FBXL13: variants seen among roughly 807,000 people sequenced by gnomAD.
FBXL13 encodes F-box and leucine rich repeat protein 13, also known as F-box and leucine-rich repeat protein 13.
Under a neutral mutation model 83.6 loss-of-function variants are expected in FBXL13, and 67 were observed. The observed-to-expected ratio is 0.80, with a 90% CI of 0.66 to 0.98. FBXL13 has a LOEUF of 0.98. Among genes scored for constraint, FBXL13 ranks in the 50% least tolerant of loss-of-function variants. The pLI is 0.00. For synonymous variants in FBXL13, 272 were observed against 299.5 expected, an observed-to-expected ratio of 0.91 and a Z score of 0.95; for missense variants, 822 against 866.5, an observed-to-expected ratio of 0.95 and a Z score of 0.64.
At chr7:102,965,909 G>A (rs1419854394) in intron 7 of FBXL13, among the ~76,000 whole-genome samples, 1 of 152,154 alleles carries the variant, frequency 6.6e-6, no homozygotes, top group African/African-American at 2.4e-5. Flanking sequence ...GCTAATGATT[G>A]AAGGACTGAT....
chr7:102,897,996 A>T (rs1472779293), intron 11 of FBXL13, among the ~76,000 whole-genome samples: 1 of 152,148 alleles, frequency 6.6e-6, no homozygotes, highest in African/African-American at 2.4e-5. Flanking sequence ...CATGGGTAAA[A>T]ATAGGGAGTA....
intron 8 of FBXL13, 144 bp downstream of exon 9, chr7:102,963,389 T>C: frequency 1.1e-6 from 1 of 950,726 alleles, no homozygotes. Context: ...TGCACTATAT[T>C]ATACACTTAT....
At chr7:102,838,244 A>C (rs142041954) in intron 17 of FBXL13, among the ~76,000 whole-genome samples, 1 of 152,206 alleles carries the variant, frequency 6.6e-6, no homozygotes, top group South Asian at 2.1e-4. Flanking sequence ...TGGTGTGGGA[A>C]TAACACAGGA....
chr7:102,883,372 C>G (rs1563039851), exon 14 of FBXL13: 1 of 1,613,676 alleles, frequency 6.2e-7, no homozygotes, highest in Non-Finnish European at 8.5e-7. Context: ...AGGCTGCTGT[C>G]TGTTATTCCC....
At chr7:102,959,821 G>A (rs904296351) in intron 8 of FBXL13, among the ~76,000 whole-genome samples, 1 of 151,968 alleles carries the variant, frequency 6.6e-6, no homozygotes, top group African/African-American at 2.4e-5. Context: ...TCAAATAGAA[G>A]AAGGTTAAAT....
At chr7:102,847,187 G>C (rs1804147770) in intron 17 of FBXL13, among the ~76,000 whole-genome samples, 1 of 151,052 alleles carries the variant, frequency 6.6e-6, no homozygotes, top group Non-Finnish European at 1.5e-5. Flanking sequence ...GAAACTACCT[G>C]ACCCTTCAAA....
rs777668635 is a variant in FBXL13 at position 103,055,233 on chromosome 7, C to T, written c.-1+411G>A. 4.5e-4 allele frequency: 423 copies of T among 940,004 alleles called. 5 individuals are homozygous for T. Among genetic ancestry groups the T allele is most frequent in the Middle Eastern group, 1.3e-3 (4 of 3,070 alleles). The allele number at this position is 940,004 out of a possible 1,614,324, so 58.2% of individuals were successfully genotyped here. On this transcript the variant is annotated intron_variant, in intron 2 of 19. Coordinates refer to ENST00000313221, the Ensembl canonical transcript of FBXL13. ...ATTAATTTCATTAATTAGTTAGTTC[C>T]GTAATTAAATCAGTGATTCTTGTAG...
At chr7:102,982,650 G>C (rs1828392946) in intron 6 of FBXL13, among the ~76,000 whole-genome samples, 1 of 152,158 alleles carries the variant, frequency 6.6e-6, no homozygotes, top group Non-Finnish European at 1.5e-5. Flanking sequence ...TTTATAAATG[G>C]AAGTTCCTCT....
chr7:102,843,705 G>A (rs770380419), intron 17 of FBXL13, among the ~76,000 whole-genome samples: 166 of 152,264 alleles, frequency 1.1e-3, no homozygotes, highest in Middle Eastern at 3.4e-3. Flanking sequence ...GAACCCAGGC[G>A]GCGGAGGTTG....
chr7:102,990,362 A>C (rs1342929894), intron 6 of FBXL13, among the ~76,000 whole-genome samples: 3 of 152,238 alleles, frequency 2.0e-5, no homozygotes, highest in Non-Finnish European at 4.4e-5. Context: ...CTACTGAAAA[A>C]GCAAGACAAG....
chr7:102,980,406 T>C (rs1828045954), intron 6 of FBXL13, among the ~76,000 whole-genome samples: 1 of 152,134 alleles, frequency 6.6e-6, no homozygotes, highest in South Asian at 2.1e-4. Flanking sequence ...TATCCAAATG[T>C]AAAAGAATGA....
chr7:103,037,975 C>T (rs13221585), intron 2 of FBXL13, among the ~76,000 whole-genome samples: 77,182 of 151,844 alleles, frequency 0.51, 23,234 homozygotes, highest in Non-Finnish European at 0.66. Flanking sequence ...CCACAGAGGG[C>T]GAGCTGAAGC....
chr7:102,821,193 C>A (rs566465328), intron 19 of FBXL13, among the ~76,000 whole-genome samples: 34 of 152,254 alleles, frequency 2.2e-4, no homozygotes, highest in East Asian at 1.2e-3. Context: ...TAGCAGTATT[C>A]ATATCAGAGT....
chr7:103,017,896 C>A (rs1235581212), intron 6 of FBXL13, among the ~76,000 whole-genome samples: 1 of 152,170 alleles, frequency 6.6e-6, no homozygotes, highest in Non-Finnish European at 1.5e-5. Context: ...TTGGAAAACA[C>A]TCTTTGGGAT....
intron 17 of FBXL13, among the ~76,000 whole-genome samples, chr7:102,845,877 T>G (rs1432599821): frequency 3.9e-5 from 6 of 152,142 alleles, no homozygotes; most frequent in Non-Finnish European, 5.9e-5. Context: ...CTCGCCTGAA[T>G]CCTCCCATAG....
At chr7:102,992,230 C>T (rs747593001) in intron 6 of FBXL13, among the ~76,000 whole-genome samples, 16 of 152,158 alleles carry the variant, frequency 1.1e-4, no homozygotes, top group Non-Finnish European at 2.2e-4. Context: ...TCCCTCACTG[C>T]CTACTGGTTA....
At chr7:102,830,112 G>GT (rs1424178008) in intron 18 of FBXL13, among the ~76,000 whole-genome samples, 2 of 152,124 alleles carry the variant, frequency 1.3e-5, no homozygotes, top group East Asian at 3.9e-4. Flanking sequence ...TTGCATATTT[G>GT]TTTAACATCC....
In FBXL13 at chr7:102,988,440, C is replaced by CA. The variant is rs529695201; in HGVS notation, c.496-20324dup. 187 of 151,532 alleles carry CA rather than the reference C, an allele frequency of 1.2e-3. 1 individual carries two copies. Among genetic ancestry groups the CA allele is most frequent in the African/African-American group, 4.4e-3 (181 of 41,272 alleles). The allele number at this position is 151,532 out of a possible 1,614,324, so 9.4% of individuals were successfully genotyped here. ...TTGTATAGCAGATGCAGAGCAGCAG[C>CA]AAAAATGGTAATGAAAATAGAAGAT... On this transcript the variant is annotated intron_variant, in intron 6 of 19. Transcript: ENST00000313221.
chr7:102,889,133 G>C (rs1005255486), intron 11 of FBXL13, among the ~76,000 whole-genome samples: 5 of 152,208 alleles, frequency 3.3e-5, no homozygotes, highest in African/African-American at 1.2e-4. Context: ...AGGGGGTCTT[G>C]AGAACTCATT....
Sources: gnomAD v4.1 joint callset for allele counts (sites outside exome capture counted in the v4.1 genomes callset) on GRCh38, gnomAD v4.1.1 for gene constraint, MANE v1.5 for transcripts, NCBI Gene and HGNC (gene_info 2026-07-23, HGNC 2026-07-21) for gene names.